TIAM2: variants seen among roughly 807,000 people sequenced by gnomAD.
The protein encoded by TIAM2 is TIAM Rac1 associated GEF 2.
In TIAM2, 80 loss-of-function variants were observed where a neutral mutation model predicts 152.9. The ratio of observed to expected loss-of-function variants is 0.52; its 90% CI spans 0.44 to 0.63. The LOEUF is 0.63. TIAM2 is among the 30% of genes least tolerant of loss of function. The probability of loss-of-function intolerance (pLI) is 0.00; values close to 1 mark genes in which losing one functional copy is unlikely to be tolerated. For missense variants in TIAM2, 1,965 were observed against 2,120.1 expected, an observed-to-expected ratio of 0.93 and a Z score of 1.44; for synonymous variants, 804 against 838.0, an observed-to-expected ratio of 0.96 and a Z score of 0.70.
chr6:155,228,992 C>T (rs1053271086), intron 15 of TIAM2, among the ~76,000 whole-genome samples: 1 of 152,256 alleles, frequency 6.6e-6, no homozygotes, highest in African/African-American at 2.4e-5. Context: ...GGGACATGCA[C>T]ATGCTCTCTG....
intron 14 of TIAM2, among the ~76,000 whole-genome samples, chr6:155,195,067 A>G (rs1234024256): frequency 2.6e-5 from 4 of 152,182 alleles, no homozygotes; most frequent in South Asian, 2.1e-4. Context: ...TCTTTATTTT[A>G]TCTATTACCC....
chr6:155,048,052 A>G (rs1777241068), intron 1 of TIAM2, among the ~76,000 whole-genome samples: 1 of 152,074 alleles, frequency 6.6e-6, no homozygotes, highest in Non-Finnish European at 1.5e-5. Flanking sequence ...TCCTGGGTTC[A>G]AGTGATTCTC....
intron 15 of TIAM2, among the ~76,000 whole-genome samples, chr6:155,228,257 C>T (rs954671998): frequency 1.3e-5 from 2 of 152,256 alleles, no homozygotes; most frequent in Admixed American, 1.3e-4. Context: ...TTTACCTGCC[C>T]AGGAAATTGG....
At chr6:155,105,597 A>AT (rs1293916524) in intron 2 of TIAM2, among the ~76,000 whole-genome samples, 123 of 143,566 alleles carry the variant, frequency 8.6e-4, no homozygotes, top group African/African-American at 1.1e-3. Context: ...GGCTTGGCTA[A>AT]TTTTTTTTTT....
intron 2 of TIAM2, among the ~76,000 whole-genome samples, chr6:155,109,045 G>A (rs550885036): frequency 2.6e-5 from 4 of 152,146 alleles, no homozygotes; most frequent in South Asian, 2.1e-4. Flanking sequence ...GTGCAATGGC[G>A]CGATCTCAGC....
chr6:155,209,562 T>C (rs1781674026), intron 14 of TIAM2, among the ~76,000 whole-genome samples: 1 of 152,146 alleles, frequency 6.6e-6, no homozygotes, highest in Non-Finnish European at 1.5e-5. Flanking sequence ...CCAAGTCTGC[T>C]TGCTTGTCAT....
intron 1 of TIAM2, among the ~76,000 whole-genome samples, chr6:155,089,699 T>A (rs1412037975): frequency 6.6e-6 from 1 of 152,166 alleles, no homozygotes. Flanking sequence ...ATTCCTAATC[T>A]TCCAATTTAA....
chr6:155,002,930 G>T (rs1410781490), intron 1 of TIAM2, among the ~76,000 whole-genome samples: 2 of 151,996 alleles, frequency 1.3e-5, no homozygotes, highest in African/African-American at 2.4e-5. Context: ...TTGACCTCAG[G>T]TGATCTGCCC....
chr6:155,176,336 C>T (rs113209915), intron 9 of TIAM2, among the ~76,000 whole-genome samples: 3,631 of 152,260 alleles, frequency 0.024, 136 homozygotes, highest in African/African-American at 0.081. Flanking sequence ...CAGGTTCAAG[C>T]GATTCTTCTG....
rs777589279 is a variant in TIAM2, at chr6:155,129,442, T to G, written c.219T>G (p.Pro73=). Residue 73 remains proline, a synonymous_variant, in exon 4 of 27, where the codon CCT becomes CCG. Transcript: ENST00000682666. This position sits in a 1 kb window ranked among gnomAD's most constrained non-coding sequence, Gnocchi z 4.8. ...SCLSHFKSNQ[P]YASRLGGPTC... ...TTTCTCACTTTAAGAGTAACCAGCC[T>G]TACGCATCGAGACTCGGTGGCCCCA... 6.2e-7 allele frequency: 1 copy of G among 1,613,920 alleles called. No individual in the cohort carries two copies. Among genetic ancestry groups the G allele is most frequent in the African/African-American group, 1.3e-5 (1 of 74,876 alleles).
chr6:155,104,539 T>C (rs149544280), intron 2 of TIAM2, among the ~76,000 whole-genome samples: 4,728 of 152,050 alleles, frequency 0.031, 223 homozygotes, highest in African/African-American at 0.11. Flanking sequence ...GGGCAGATCA[T>C]GAGGTCAGGA....
At chr6:155,162,936 T>C (rs1780311077) in intron 7 of TIAM2, among the ~76,000 whole-genome samples, 1 of 152,180 alleles carries the variant, frequency 6.6e-6, no homozygotes, top group South Asian at 2.1e-4. Context: ...CTTGTGACTG[T>C]TTTTCTTTCA....
chr6:155,182,175 A>G, intron 12 of TIAM2, 51 bp from the exon 13 acceptor site: 1 of 1,494,630 alleles, frequency 6.7e-7, no homozygotes, highest in Non-Finnish European at 9.3e-7. Flanking sequence ...GGTTGGAGAA[A>G]TTCAGTGTGG....
intron 1 of TIAM2, among the ~76,000 whole-genome samples, chr6:155,070,612 G>A (rs760921965): frequency 6.6e-6 from 1 of 152,098 alleles, no homozygotes; most frequent in African/African-American, 2.4e-5. Flanking sequence ...AATTTTTCTA[G>A]TAAGCATCTT....
chr6:155,231,335 A>G (rs1431569384), intron 15 of TIAM2, among the ~76,000 whole-genome samples: 1 of 152,236 alleles, frequency 6.6e-6, no homozygotes, highest in East Asian at 1.9e-4. Context: ...TGTCTAGTCT[A>G]GAAGACAAAT....
intron 21 of TIAM2, 143 bp downstream of exon 21, chr6:155,250,112 C>CTACA: frequency 1.7e-6 from 1 of 605,112 alleles, no homozygotes; most frequent in Non-Finnish European, 2.9e-6. Context: ...GTCTAATGAA[C>CTACA]TACACAATTT....
chr6:155,244,811 TA>T (rs1462775373), intron 18 of TIAM2, 28 bp downstream of exon 18: 1 of 1,582,582 alleles, frequency 6.3e-7, no homozygotes, highest in Admixed American at 1.8e-5. Context: ...AGGCTTAAAG[TA>T]AAAATACGTG....
At chr6:155,062,085 G>A (rs1317214081) in intron 1 of TIAM2, among the ~76,000 whole-genome samples, 7 of 106,450 alleles carry the variant, frequency 6.6e-5, no homozygotes, top group African/African-American at 1.6e-4. Flanking sequence ...CCTGCATCTC[G>A]CCCCCCCACC....
intron 7 of TIAM2, among the ~76,000 whole-genome samples, chr6:155,162,646 G>A (rs960109449): frequency 1.3e-5 from 2 of 152,188 alleles, no homozygotes; most frequent in Non-Finnish European, 2.9e-5. Flanking sequence ...CCATGCACCA[G>A]AATCCCAGAA....
Sources: allele counts gnomAD v4.1 joint callset (sites outside exome capture counted in the v4.1 genomes callset), GRCh38; gene constraint gnomAD v4.1.1; non-coding constraint Gnocchi (gnomAD v3.1); transcripts MANE v1.5; gene names NCBI Gene and HGNC (gene_info 2026-07-23, HGNC 2026-07-21).